Variants in FTO observed in about 807,000 individuals in gnomAD.
The protein encoded by FTO is FTO alpha-ketoglutarate dependent dioxygenase, also known as alpha-ketoglutarate-dependent dioxygenase FTO.
Under a neutral mutation model 63.9 loss-of-function variants are expected in FTO, and 47 were observed. That is an observed-to-expected ratio of 0.74 (90% confidence interval 0.58 to 0.94). The LOEUF (loss-of-function observed/expected upper bound fraction) is 0.94. Ranked by LOEUF, FTO falls within the 40% of genes least tolerant of loss-of-function variation. FTO has a pLI of 0.00. For missense variants in FTO, 562 were observed against 618.1 expected (o/e 0.91, Z 0.96); for synonymous variants, 207 against 224.4 (o/e 0.92, Z 0.69).
intron 8 of FTO, among the ~76,000 whole-genome samples, chr16:53,974,455 A>G (rs2083392829): frequency 6.6e-6 from 1 of 152,178 alleles, no homozygotes; most frequent in Non-Finnish European, 1.5e-5. Context: ...CCATGAGTAA[A>G]TGACTTGCCT....
chr16:53,734,232 C>G (rs2076336931), intron 1 of FTO, among the ~76,000 whole-genome samples: 1 of 152,168 alleles, frequency 6.6e-6, no homozygotes, highest in African/African-American at 2.4e-5. Flanking sequence ...AGAACAACTT[C>G]AGATTCTGGA....
chr16:53,740,637 C>T (rs1200538369), intron 1 of FTO, among the ~76,000 whole-genome samples: 1 of 152,110 alleles, frequency 6.6e-6, no homozygotes, highest in Non-Finnish European at 1.5e-5. Context: ...TACATGATTA[C>T]CTTCCAGTTT....
chr16:54,042,349 C>G (rs1338903303), intron 8 of FTO, among the ~76,000 whole-genome samples: 7 of 122,278 alleles, frequency 5.7e-5, no homozygotes, highest in Non-Finnish European at 9.9e-5. Context: ...GGGTGACGGA[C>G]GCACCTGGAA....
At chr16:54,057,684 C>G (rs1279620291) in intron 8 of FTO, among the ~76,000 whole-genome samples, 2 of 151,580 alleles carry the variant, frequency 1.3e-5, no homozygotes, top group Non-Finnish European at 2.9e-5. Context: ...TGTTGCCCAG[C>G]TGGGCAAATG....
chr16:54,120,385 C>T lies in FTO; in HGVS notation c.*8470C>T, dbSNP rs2086997617. 1 of 152,242 alleles carries T rather than the reference C, an allele frequency of 6.6e-6. No homozygotes were observed. Among genetic ancestry groups the T allele is most frequent in the Non-Finnish European group, 1.5e-5 (1 of 68,058 alleles). 9.4% of individuals were successfully genotyped at this position (152,242 alleles called of 1,614,324 possible). On this transcript the variant is annotated 3_prime_UTR_variant, in exon 9 of 9. Transcript: ENST00000471389. The stretch of plus-strand genomic sequence containing the variant: ...TTGATTCCTTCCGGAATGTCAGACT[C>T]TGCTAGCAACACAAGGTCCCTGTCC...
At chr16:53,987,986 A>G (rs943857494) in intron 8 of FTO, among the ~76,000 whole-genome samples, 15 of 152,310 alleles carry the variant, frequency 9.8e-5, no homozygotes, top group African/African-American at 3.1e-4. Context: ...TGTGTGTACA[A>G]TGGGGATTGA....
chr16:54,075,539 G>A (rs189529136), intron 8 of FTO, among the ~76,000 whole-genome samples: 7 of 152,234 alleles, frequency 4.6e-5, no homozygotes, highest in Middle Eastern at 3.4e-3. Context: ...ATTAGTTCCC[G>A]GTGGAAAGGA....
At chr16:53,946,965 A>C (rs566477743) in intron 8 of FTO, among the ~76,000 whole-genome samples, 2 of 152,356 alleles carry the variant, frequency 1.3e-5, no homozygotes, top group South Asian at 4.1e-4. Context: ...CCCAGTGTTA[A>C]TTATAACCTA....
At chr16:53,898,715 T>A (rs1270761170) in intron 7 of FTO, among the ~76,000 whole-genome samples, 1 of 152,208 alleles carries the variant, frequency 6.6e-6, no homozygotes. Flanking sequence ...GGTCTTACTC[T>A]GTTGCCTAGG....
At chr16:54,063,174 G>C (rs551622832) in intron 8 of FTO, among the ~76,000 whole-genome samples, 1 of 152,080 alleles carries the variant, frequency 6.6e-6, no homozygotes, top group Non-Finnish European at 1.5e-5. Context: ...CGTTTTCCCC[G>C]GAATTTTTCT....
intron 1 of FTO, among the ~76,000 whole-genome samples, chr16:53,808,218 C>T (rs192075130): frequency 6.6e-6 from 1 of 152,006 alleles, no homozygotes; most frequent in East Asian, 1.9e-4. Flanking sequence ...CCTTTAGTCC[C>T]AGCTACTTGC....
chr16:53,867,788 A>G (rs1419840765), intron 4 of FTO, among the ~76,000 whole-genome samples: 1 of 152,090 alleles, frequency 6.6e-6, no homozygotes, highest in Non-Finnish European at 1.5e-5. Context: ...TTTCTGATAG[A>G]GGGATGTTGA....
At chr16:53,953,558 T>A (rs900392124) in intron 8 of FTO, among the ~76,000 whole-genome samples, 1 of 152,240 alleles carries the variant, frequency 6.6e-6, no homozygotes, top group African/African-American at 2.4e-5. Flanking sequence ...AAAGAGTTTT[T>A]GGCTTCATTT....
Position 54,120,645 on chromosome 16 carries a change from T to G in FTO, c.*8730T>G, listed in dbSNP as rs2086998934. 1 of 152,148 alleles carries G rather than the reference T, an allele frequency of 6.6e-6. No homozygotes were observed. Among genetic ancestry groups the G allele is most frequent in the South Asian group, 2.1e-4 (1 of 4,830 alleles). 9.4% of individuals were successfully genotyped at this position (152,148 alleles called of 1,614,324 possible). ...AATTATAGAAACTGGATTTCAAGTT[T>G]CTGATAAGTATTGAATTTGGGAAGG... On this transcript the variant is annotated 3_prime_UTR_variant, in exon 9 of 9. Transcript: ENST00000471389.
chr16:53,878,512 G>T (rs566581283), intron 5 of FTO, among the ~76,000 whole-genome samples: 1 of 152,176 alleles, frequency 6.6e-6, no homozygotes, highest in East Asian at 1.9e-4. Flanking sequence ...TGTTGATGTC[G>T]CATTGTATAA....
At position 53,960,350 on chromosome 16, in the gene FTO, C is replaced by G. The variant is rs149802943; in HGVS notation, c.1364+26241C>G. 2.1e-3 allele frequency among the ~76,000 whole-genome samples: 321 copies of G among 152,312 alleles called. 4 individuals are homozygous for G. Among genetic ancestry groups the G allele is most frequent in the African/African-American group, 7.4e-3 (306 of 41,580 alleles). On this transcript the variant is annotated intron_variant, in intron 8 of 8. Coordinates refer to ENST00000471389, the MANE Select transcript of FTO (RefSeq NM_001080432.3). ...TCCGTGTATAAATCCACTCACTACA[C>G]TTAGAAAATGCCTGCCGTGCGTGGC...
chr16:53,976,662 A>G (rs1308743787), intron 8 of FTO, among the ~76,000 whole-genome samples: 1 of 152,176 alleles, frequency 6.6e-6, no homozygotes, highest in Admixed American at 6.5e-5. Flanking sequence ...ATAGGTATAT[A>G]TGTTGGAGAA....
intron 8 of FTO, among the ~76,000 whole-genome samples, chr16:54,010,973 G>T (rs151078957): frequency 6.6e-6 from 1 of 152,144 alleles, no homozygotes; most frequent in South Asian, 2.1e-4. Context: ...GGATTTGGGC[G>T]TTTTAAAATC....
chr16:53,822,117 G>C (rs1328593228), intron 2 of FTO, among the ~76,000 whole-genome samples: 1 of 152,094 alleles, frequency 6.6e-6, no homozygotes, highest in Non-Finnish European at 1.5e-5. Flanking sequence ...CAAAAAGCTG[G>C]GTGGCAGAGG....
Sources: gnomAD v4.1 joint callset for allele counts (sites outside exome capture counted in the v4.1 genomes callset) on GRCh38, gnomAD v4.1.1 for gene constraint, MANE v1.5 for transcripts, NCBI Gene and HGNC (gene_info 2026-07-23, HGNC 2026-07-21) for gene names.